Variants in FBXO25 observed in about 807,000 individuals in gnomAD.
FBXO25 encodes F-box only protein 25.
Under a neutral mutation model 51.9 loss-of-function variants are expected in FBXO25, and 45 were observed. The ratio of observed to expected loss-of-function variants is 0.87; its 90% CI spans 0.68 to 1.11. The LOEUF (loss-of-function observed/expected upper bound fraction) is 1.11, where lower values mean the gene tolerates loss of function less well. Ranked by LOEUF, FBXO25 falls within the 50% of genes most tolerant of loss-of-function variation. FBXO25 has a pLI of 0.00. For missense variants in FBXO25, 507 were observed against 428.5 expected, an observed-to-expected ratio of 1.18 and a Z score of -1.62; for synonymous variants, 199 against 151.0, an observed-to-expected ratio of 1.32 and a Z score of -2.33.
In FBXO25 at chr8:475,077, C is replaced by T. The variant is rs1585122143; in HGVS notation, c.*6273C>T. On this transcript the variant is annotated 3_prime_UTR_variant, in exon 10 of 10. Transcript: ENST00000350302. ...GTTAAAAGTTTCCCTTATGTTTCTCCTAAATGTTTTAGTTTTAGCTCTTAG... is the reference window on the plus strand; with the variant it reads ...GTTAAAAGTTTCCCTTATGTTTCTCTTAAATGTTTTAGTTTTAGCTCTTAG... 2.7e-6 allele frequency: 1 copy of T among 376,192 alleles called. No homozygotes were observed. The highest frequency in any genetic ancestry group is 7.2e-5 in the East Asian group (1 of 13,844). 23.3% of individuals were successfully genotyped at this position (376,192 alleles called of 1,614,324 possible). A position where few individuals can be genotyped will look rare whatever the true frequency, so the allele number is the denominator to read the frequency against.
Position 469,868 on chromosome 8 carries a change from C to T in FBXO25, c.*1064C>T, listed in dbSNP as rs540851998. 3 of 152,154 alleles carry T rather than the reference C, an allele frequency of 2.0e-5. No homozygotes were observed. The highest frequency in any genetic ancestry group is 2.9e-5 in the Non-Finnish European group (2 of 67,992). The allele number at this position is 152,154 out of a possible 1,614,324, so 9.4% of individuals were successfully genotyped here. ...TAATAATAAAAGTATACTTTTATGG[C>T]GTTATAAATAGGACTAAAAAAAGAT... On this transcript the variant is annotated 3_prime_UTR_variant, in exon 10 of 10. Coordinates refer to ENST00000350302, the MANE Select transcript of FBXO25 (RefSeq NM_183420.2).
At chr8:461,867 G>T (rs1799840339) in intron 8 of FBXO25, among the ~76,000 whole-genome samples, 1 of 152,124 alleles carries the variant, frequency 6.6e-6, no homozygotes, top group Non-Finnish European at 1.5e-5. Flanking sequence ...CCCCCTCTAT[G>T]TATATCCACT....
At position 454,692 on chromosome 8, in the gene FBXO25, C is replaced by T. The variant is rs550434080; in HGVS notation, c.660+3239C>T. Among the ~76,000 whole-genome samples, 5 of 152,182 alleles carry T rather than the reference C, an allele frequency of 3.3e-5. No individual in the cohort carries two copies. In the East Asian group the frequency reaches 7.7e-4, roughly 24 times the overall value. ...AGATCACAAGGTCAAGAGATAGAGA[C>T]CATGCTGGCTAACACGGTGAAATCC... On this transcript the variant is annotated intron_variant, in intron 7 of 9. Coordinates refer to ENST00000350302, the MANE Select transcript of FBXO25 (RefSeq NM_183420.2).
chr8:413,230 C>G lies in FBXO25; in HGVS notation c.134+17C>G, dbSNP rs931667589. 5 of 1,553,822 alleles carry G rather than the reference C, an allele frequency of 3.2e-6. No homozygotes were observed. The highest frequency in any genetic ancestry group is 3.5e-6 in the Non-Finnish European group (4 of 1,153,982). On this transcript the variant is annotated intron_variant, in intron 2 of 9. Coordinates refer to ENST00000350302, the MANE Select transcript of FBXO25 (RefSeq NM_183420.2). ...TCACAGCATGTAAGTTACAGCTGAG[C>G]AGAACCATGCCATTTGCCAGTTTAG... is the stretch of plus-strand genomic sequence containing the variant.
intron 2 of FBXO25, among the ~76,000 whole-genome samples, chr8:423,769 T>C (rs769486617): frequency 6.6e-6 from 1 of 152,236 alleles, no homozygotes; most frequent in Non-Finnish European, 1.5e-5. Context: ...TGCCTGTGTC[T>C]TTTTGGTAGA....
rs758035042 is a variant in FBXO25, at chr8:463,102, C to T, written c.939C>T (p.Tyr313=). ...AACATTACCCAGCGAAGGAGCAGTACGGAGACACACTGCATTTCTGTCGGC... is the reference window on the plus strand; with the variant it reads ...AACATTACCCAGCGAAGGAGCAGTATGGAGACACACTGCATTTCTGTCGGC... ...LQKHYPAKEQ[Y]GDTLHFCRHC... The change falls in exon 9 of 10, where the codon TAC becomes TAT. Residue 313 remains tyrosine (Y), a synonymous_variant. Coordinates refer to ENST00000350302, the MANE Select transcript of FBXO25 (RefSeq NM_183420.2). 3.7e-6 allele frequency: 6 copies of T among 1,613,690 alleles called. No homozygotes were observed. The highest frequency in any genetic ancestry group is 2.2e-5 in the South Asian group (2 of 90,954).
chr8:409,147 C>T (rs1191246878), intron 1 of FBXO25, among the ~76,000 whole-genome samples: 1 of 152,116 alleles, frequency 6.6e-6, no homozygotes, highest in Non-Finnish European at 1.5e-5. Context: ...GATCCAGACC[C>T]CAGACGTTTT....
intron 2 of FBXO25, among the ~76,000 whole-genome samples, chr8:428,484 C>T (rs943776423): frequency 6.6e-6 from 1 of 151,376 alleles, no homozygotes; most frequent in African/African-American, 2.4e-5. Context: ...ACAAGACAAG[C>T]TGCTACTTCC....
At chr8:421,753 T>G in intron 2 of FBXO25, among the ~76,000 whole-genome samples, 1 of 152,082 alleles carries the variant, frequency 6.6e-6, no homozygotes, top group Admixed American at 6.6e-5. Flanking sequence ...TAAGGGCTCC[T>G]CAGGGAAGGG....
intron 5 of FBXO25, among the ~76,000 whole-genome samples, chr8:444,968 A>C (rs1798647069): frequency 6.6e-6 from 1 of 152,224 alleles, no homozygotes; most frequent in South Asian, 2.1e-4. Context: ...ACTGTATAAA[A>C]AACTTCCTAC....
chr8:431,172 C>G (rs887133326), intron 2 of FBXO25, among the ~76,000 whole-genome samples, 169 bp from the exon 3 acceptor site: 1 of 152,142 alleles, frequency 6.6e-6, no homozygotes, highest in Non-Finnish European at 1.5e-5. Flanking sequence ...TCTCAAAGAA[C>G]CAGGATACAT....
At chr8:468,483 C>T (rs530166587) in intron 9 of FBXO25, among the ~76,000 whole-genome samples, 1 of 152,118 alleles carries the variant, frequency 6.6e-6, no homozygotes, top group Non-Finnish European at 1.5e-5. Context: ...GAGGGCAGAC[C>T]TGGGGCCACC....
chr8:445,205 A>G (rs1247372351), intron 5 of FBXO25, among the ~76,000 whole-genome samples: 1 of 152,142 alleles, frequency 6.6e-6, no homozygotes, highest in Non-Finnish European at 1.5e-5. Flanking sequence ...CTCTGTGGGT[A>G]ACTAGTCTAA....
intron 8 of FBXO25, among the ~76,000 whole-genome samples, chr8:459,978 G>A (rs927427456): frequency 6.6e-6 from 1 of 152,026 alleles, no homozygotes; most frequent in African/African-American, 2.4e-5. Flanking sequence ...AAGAATTCCA[G>A]TATTAATTTG....
intron 2 of FBXO25, among the ~76,000 whole-genome samples, chr8:430,965 G>A (rs1365090810): frequency 6.6e-6 from 1 of 152,094 alleles, no homozygotes; most frequent in Non-Finnish European, 1.5e-5. Context: ...CTCAGCATGG[G>A]GAAGGTATAC....
chr8:416,923 A>G (rs536476408), intron 2 of FBXO25, among the ~76,000 whole-genome samples: 100 of 152,282 alleles, frequency 6.6e-4, no homozygotes, highest in African/African-American at 2.0e-3. Context: ...AATGCTAAGG[A>G]TGGGTGGTGG....
chr8:449,690 C>G (rs961006613), intron 5 of FBXO25, among the ~76,000 whole-genome samples: 6 of 152,186 alleles, frequency 3.9e-5, no homozygotes, highest in Non-Finnish European at 7.3e-5. Flanking sequence ...GCTAAAAGCT[C>G]CATTTCAGAC....
chr8:435,124 G>C (rs921298949), intron 4 of FBXO25, among the ~76,000 whole-genome samples: 1 of 152,132 alleles, frequency 6.6e-6, no homozygotes, highest in Non-Finnish European at 1.5e-5. Flanking sequence ...GGCTGCTCTG[G>C]AGAGAAATCC....
At chr8:421,407 C>T (rs566665818) in intron 2 of FBXO25, among the ~76,000 whole-genome samples, 1 of 152,324 alleles carries the variant, frequency 6.6e-6, no homozygotes, top group South Asian at 2.1e-4. Flanking sequence ...CTTTGGAAAA[C>T]AGTGTTTTGA....
Sources: allele counts gnomAD v4.1 joint callset (sites outside exome capture counted in the v4.1 genomes callset), GRCh38; gene constraint gnomAD v4.1.1; transcripts MANE v1.5; gene names NCBI Gene and HGNC (gene_info 2026-07-23, HGNC 2026-07-21).